SEC24D: variants seen among roughly 807,000 people sequenced by gnomAD.
The protein encoded by SEC24D is protein transport protein Sec24D.
In SEC24D, 69 loss-of-function variants were observed where a neutral mutation model predicts 116.9. The observed-to-expected ratio is 0.59, with a 90% confidence interval of 0.49 to 0.72. The LOEUF is 0.72. SEC24D is among the 30% of genes least tolerant of loss of function. SEC24D has a pLI of 0.00. For missense variants in SEC24D, 1,131 were observed against 1,264.1 expected (o/e 0.89, Z 1.60); for synonymous variants, 405 against 442.8 (o/e 0.91, Z 1.07).
chr4:118,751,741 C>G (rs1208300029), intron 13 of SEC24D, among the ~76,000 whole-genome samples: 1 of 152,046 alleles, frequency 6.6e-6, no homozygotes, highest in Non-Finnish European at 1.5e-5. Flanking sequence ...CATATAAAAG[C>G]CAGAGGGAGG....
At chr4:118,755,169 C>A (rs954988333) in intron 11 of SEC24D, among the ~76,000 whole-genome samples, 1 of 152,074 alleles carries the variant, frequency 6.6e-6, no homozygotes, top group African/African-American at 2.4e-5. Context: ...CTAAAATTTT[C>A]TTCAACGGTG....
chr4:118,723,403 A>G lies in SEC24D; in HGVS notation c.*112T>C. 1 of 1,135,966 alleles carries G rather than the reference A, an allele frequency of 8.8e-7. No individual in the cohort carries two copies. The highest frequency in any genetic ancestry group is 1.2e-6 in the Non-Finnish European group (1 of 802,500). 70.4% of individuals were successfully genotyped at this position (1,135,966 alleles called of 1,614,324 possible). ...AAATGCCATCTCTTCCTGGAAAGTT[A>G]TTCTGAAAATGAGCAAGAAATCAAA... On this transcript the variant is annotated 3_prime_UTR_variant, in exon 23 of 23. Transcript: ENST00000280551.
At position 118,722,906 on chromosome 4, in the gene SEC24D, T is replaced by G. The variant is rs1023134408; in HGVS notation, c.*609A>C. The G allele has an allele frequency of 2.0e-5, 3 of 152,576 alleles. No homozygotes were observed. Among genetic ancestry groups the G allele is most frequent in the African/African-American group, 7.2e-5 (3 of 41,422 alleles). The allele number at this position is 152,576 out of a possible 1,614,324, so 9.5% of individuals were successfully genotyped here. A position where few individuals can be genotyped will look rare whatever the true frequency, so the allele number is the denominator to read the frequency against. On this transcript the variant is annotated 3_prime_UTR_variant, in exon 23 of 23. Transcript: ENST00000280551. ...ACTTTCAAAATTGTACAAAGAACCA[T>G]TAAGCATATTGATAAAGACAGTTTT... is the stretch of plus-strand genomic sequence containing the variant.
chr4:118,832,239 GACA>G (rs761655324), intron 2 of SEC24D, among the ~76,000 whole-genome samples: 21 of 152,068 alleles, frequency 1.4e-4, no homozygotes, highest in Non-Finnish European at 2.8e-4. Context: ...CACCTCAAAA[GACA>G]ACAACAAAAG....
At chr4:118,795,161 C>G (rs1729117357) in intron 8 of SEC24D, among the ~76,000 whole-genome samples, 1 of 151,564 alleles carries the variant, frequency 6.6e-6, no homozygotes, top group Non-Finnish European at 1.5e-5. Flanking sequence ...AAGACCAATA[C>G]TACATATTGT....
In SEC24D at chr4:118,744,169, G is replaced by C. The variant is rs773734717; in HGVS notation, c.1825-11C>G. 2.0e-6 allele frequency: 3 copies of C among 1,508,226 alleles called. 1 individual carries two copies. The Admixed American group carries it at 6.8e-5, about 34-fold the overall frequency. 93.4% of individuals were successfully genotyped at this position (1,508,226 alleles called of 1,614,324 possible). On this transcript the variant is annotated splice_polypyrimidine_tract_variant and intron_variant, in intron 14 of 22. Transcript: ENST00000280551. Reference sequence around the variant, plus strand: ...GGGCTGGAAAAGTATCTGGAAAAAAGATGCAAAAAAAAAGAAAAAATAAAA... The same window carrying C: ...GGGCTGGAAAAGTATCTGGAAAAAACATGCAAAAAAAAAGAAAAAATAAAA...
At chr4:118,730,549 A>T (rs1725630049) in intron 21 of SEC24D, 1 of 152,196 alleles carries the variant, frequency 6.6e-6, no homozygotes, top group Non-Finnish European at 1.5e-5. Flanking sequence ...CAGGAAACTA[A>T]CTATCTGCTG....
rs748132024 is a variant in SEC24D, at chr4:118,732,827, A to G, written c.2582T>C (p.Ile861Thr). 1.9e-6 allele frequency: 3 copies of G among 1,614,054 alleles called. No homozygotes were observed. The Admixed American group carries it at 5.0e-5, about 27-fold the overall frequency. ...KNCVLLSRPE[I>T]STDERAYQRQ... ...CTGGTATGCTCGTTCATCAGTTGAG[A>G]TCTCTGGTCTGCTGAGTAGTACACA... Residue 861 changes from isoleucine to threonine, a missense_variant, in exon 20 of 23, where the codon ATC becomes ACC. By Grantham distance (89) the Ile-to-Thr change is moderately conservative. Coordinates refer to ENST00000280551, the MANE Select transcript of SEC24D (RefSeq NM_014822.4).
chr4:118,804,153 G>C (rs1480682305), intron 7 of SEC24D, among the ~76,000 whole-genome samples: 1 of 152,144 alleles, frequency 6.6e-6, no homozygotes, highest in Non-Finnish European at 1.5e-5. Flanking sequence ...AAAGACACTG[G>C]AGAAGACTTG....
chr4:118,768,523 T>C (rs1247545668), intron 8 of SEC24D, among the ~76,000 whole-genome samples: 1 of 151,790 alleles, frequency 6.6e-6, no homozygotes, highest in Non-Finnish European at 1.5e-5. Flanking sequence ...GCCTCCCGAG[T>C]GGCTGTGATT....
intron 8 of SEC24D, among the ~76,000 whole-genome samples, chr4:118,782,211 A>G (rs1297201964): frequency 6.6e-6 from 1 of 152,202 alleles, no homozygotes; most frequent in Admixed American, 6.5e-5. Context: ...GTTTCTCCCC[A>G]TCTTTGTGGT....
chr4:118,806,942 G>A (rs1028871320), intron 6 of SEC24D, among the ~76,000 whole-genome samples: 30 of 152,126 alleles, frequency 2.0e-4, no homozygotes, highest in African/African-American at 6.7e-4. Flanking sequence ...AGCTATGATC[G>A]TGACACTGCA....
At chr4:118,730,230 C>T (rs960401380) in intron 21 of SEC24D, 1 of 152,194 alleles carries the variant, frequency 6.6e-6, no homozygotes, top group African/African-American at 2.4e-5. Context: ...TCTTTGCCTA[C>T]TGAATTTTAT....
At chr4:118,724,520 T>C (rs1363956628) in intron 22 of SEC24D, among the ~76,000 whole-genome samples, 1 of 152,174 alleles carries the variant, frequency 6.6e-6, no homozygotes, top group Non-Finnish European at 1.5e-5. Flanking sequence ...ACAGATTACA[T>C]ATAGAAATTA....
At chr4:118,816,843 T>C (rs1168291111) in intron 4 of SEC24D, 1 of 455,956 alleles carries the variant, frequency 2.2e-6, no homozygotes, top group South Asian at 1.6e-5. Context: ...TTCCACTCTT[T>C]CCATGATCTA....
At chr4:118,822,945 GTC>G (rs1400038655) in intron 3 of SEC24D, among the ~76,000 whole-genome samples, 2 of 151,432 alleles carry the variant, frequency 1.3e-5, no homozygotes, top group Admixed American at 1.3e-4. Context: ...TTACAAGTGA[GTC>G]TGTGAGCCAC....
At chr4:118,748,372 T>C (rs1332558426) in intron 13 of SEC24D, among the ~76,000 whole-genome samples, 1 of 152,170 alleles carries the variant, frequency 6.6e-6, no homozygotes, top group Non-Finnish European at 1.5e-5. Context: ...ATTTTTTCCT[T>C]ATAAAATGGT....
In SEC24D at chr4:118,768,168, C is replaced by T. The variant is rs1213627773; in HGVS notation, c.1180+5G>A. On this transcript the variant is annotated splice_donor_5th_base_variant and intron_variant, in intron 9 of 22. Coordinates refer to ENST00000280551, the MANE Select transcript of SEC24D (RefSeq NM_014822.4). ...TCACAAAGAGCTTTTAATGGCACTG[C>T]TTACCATCATTCACACAGTTGCAAA... 2.0e-5 allele frequency: 32 copies of T among 1,610,998 alleles called. No homozygotes were observed. Among genetic ancestry groups the T allele is most frequent in the Non-Finnish European group, 2.5e-5 (29 of 1,178,606 alleles).
rs34595739 is a variant in SEC24D at position 118,768,394 on chromosome 4, C to CTT, written c.1042-85_1042-84dup. On this transcript the variant is annotated intron_variant, in intron 8 of 22. Coordinates refer to ENST00000280551, the MANE Select transcript of SEC24D (RefSeq NM_014822.4). ...TAATTTGGGAAGTCTTTTAATGGCA[C>CTT]TTTTTTTTTTTTTTTTTTGAGACAG... 136,247 of 571,326 alleles carry CTT rather than the reference C, an allele frequency of 0.24. 5,968 individuals carry two copies. Among genetic ancestry groups the CTT allele is most frequent in the Non-Finnish European group, 0.26 (96,623 of 366,534 alleles). 35.4% of individuals were successfully genotyped at this position (571,326 alleles called of 1,614,324 possible).
Sources: gnomAD v4.1 joint callset for allele counts (sites outside exome capture counted in the v4.1 genomes callset) on GRCh38, gnomAD v4.1.1 for gene constraint, MANE v1.5 for transcripts, NCBI Gene and HGNC (gene_info 2026-07-23, HGNC 2026-07-21) for gene names.